RYR3: variants seen among roughly 807,000 people sequenced by gnomAD.
RYR3 encodes ryanodine receptor 3.
A neutral mutation model predicts 584.3 loss-of-function variants in RYR3; 207 were observed. The observed-to-expected ratio is 0.35, with a 90% CI of 0.32 to 0.40. The LOEUF is 0.40. RYR3 is among the 10% of genes least tolerant of loss of function. The pLI is 1.00. For synonymous variants in RYR3, 2,416 were observed against 2,248.5 expected, an observed-to-expected ratio of 1.07 and a Z score of -2.11; for missense variants, 5,616 against 6,089.2, an observed-to-expected ratio of 0.92 and a Z score of 2.59.
rs535243312 is a variant in RYR3 at position 33,390,530 on chromosome 15, T to A, written c.51+79434T>A. ...GTTCGACGCATTTGTTTTCACGACT[T>A]CTTCTTCAGGGGGTGATAGGTGTGG... On this transcript the variant is annotated intron_variant, in intron 1 of 103. Transcript: ENST00000634891. This position sits in a 1 kb window ranked among gnomAD's most constrained non-coding sequence, Gnocchi z 4.2. 6.6e-6 allele frequency among the ~76,000 whole-genome samples: 1 copy of A among 152,260 alleles called. No individual in the cohort carries two copies. Among genetic ancestry groups the A allele is most frequent in the East Asian group, 1.9e-4 (1 of 5,190 alleles).
intron 70 of RYR3, 121 bp from the exon 71 acceptor site, chr15:33,810,358 G>A: frequency 1.2e-6 from 1 of 868,220 alleles, no homozygotes; most frequent in Non-Finnish European, 1.8e-6. Context: ...GTCCTTTGAA[G>A]TGTAGTAAGG....
chr15:33,765,391 G>A (rs1184395722), intron 60 of RYR3, among the ~76,000 whole-genome samples: 1 of 152,112 alleles, frequency 6.6e-6, no homozygotes, highest in Non-Finnish European at 1.5e-5. Context: ...CCAGCACTTT[G>A]GGAGGCCAAG....
intron 38 of RYR3, among the ~76,000 whole-genome samples, chr15:33,685,180 T>A (rs1002405868): frequency 6.6e-6 from 1 of 152,204 alleles, no homozygotes; most frequent in African/African-American, 2.4e-5. Flanking sequence ...GACCCATCAG[T>A]GTGCTGTATT....
intron 3 of RYR3, among the ~76,000 whole-genome samples, chr15:33,519,635 T>C (rs1024593305): frequency 3.3e-5 from 5 of 152,030 alleles, no homozygotes; most frequent in African/African-American, 4.8e-5. Flanking sequence ...GTTTTTTTTT[T>C]TTCTTCTTTT....
At chr15:33,624,328 T>C (rs2060874611) in intron 20 of RYR3, among the ~76,000 whole-genome samples, 1 of 152,190 alleles carries the variant, frequency 6.6e-6, no homozygotes, top group Non-Finnish European at 1.5e-5. Flanking sequence ...TATTATTTTT[T>C]TAAAAGGCCA....
At chr15:33,625,803 T>C (rs929384969) in intron 20 of RYR3, among the ~76,000 whole-genome samples, 77 of 152,208 alleles carry the variant, frequency 5.1e-4, no homozygotes, top group African/African-American at 1.8e-3. Flanking sequence ...GGTGTGATGC[T>C]GACCTTTCTC....
chr15:33,523,527 C>T (rs1010136739), intron 3 of RYR3, among the ~76,000 whole-genome samples: 1 of 152,070 alleles, frequency 6.6e-6, no homozygotes, highest in Admixed American at 6.5e-5. Flanking sequence ...AAGAACCCAC[C>T]AGAAGGAACC....
Position 33,529,909 on chromosome 15 carries a change from C to T in RYR3, c.280-683C>T, listed in dbSNP as rs535199695. Among the ~76,000 whole-genome samples, 32 of 152,300 alleles carry T rather than the reference C, an allele frequency of 2.1e-4. No individual in the cohort carries two copies. The South Asian group carries it at 5.8e-3, about 28-fold the overall frequency. On this transcript the variant is annotated intron_variant, in intron 3 of 103. Transcript: ENST00000634891. ...GAAACAGACACCAGTGGCTTTATGT[C>T]GGGCCATCTCTCCCTCTCATGCCTC... is the stretch of plus-strand genomic sequence containing the variant.
chr15:33,554,058 A>T (rs556751185), intron 10 of RYR3, among the ~76,000 whole-genome samples: 1 of 152,106 alleles, frequency 6.6e-6, no homozygotes, highest in Non-Finnish European at 1.5e-5. Flanking sequence ...TCATGCTTTC[A>T]GGCGAGTGTC....
intron 97 of RYR3, 115 bp from the exon 98 acceptor site, chr15:33,854,643 ACAGCACCT>A (rs1597048815): frequency 1.3e-5 from 17 of 1,306,720 alleles, no homozygotes; most frequent in Admixed American, 2.3e-5. Context: ...GGGCCAGCTC[ACAGCACCT>A]CAGCACCTAA....
intron 1 of RYR3, among the ~76,000 whole-genome samples, chr15:33,385,710 C>CTTTTTTTTTTTTTTTTTT (rs10682215): frequency 7.6e-6 from 1 of 131,402 alleles, no homozygotes. Flanking sequence ...TTTTTCTTTT[C>CTTTTTTTTTTTTTTTTTT]TTTTTTTTTT....
At chr15:33,421,610 A>T (rs1428635546) in intron 1 of RYR3, among the ~76,000 whole-genome samples, 1 of 152,190 alleles carries the variant, frequency 6.6e-6, no homozygotes, top group Non-Finnish European at 1.5e-5. Flanking sequence ...AAAGATCAGT[A>T]GGAGACAATG....
chr15:33,810,689 A>T (rs762912442), intron 71 of RYR3, 40 bp downstream of exon 71: 2 of 1,612,504 alleles, frequency 1.2e-6, no homozygotes, highest in Admixed American at 3.3e-5. Flanking sequence ...TGTGATCCAC[A>T]TGGTGCAGTG....
chr15:33,734,982 C>T (rs1301822775), intron 48 of RYR3, among the ~76,000 whole-genome samples: 3 of 151,646 alleles, frequency 2.0e-5, no homozygotes, highest in East Asian at 2.0e-4. Flanking sequence ...TGAGCCACCG[C>T]GCCTGGCCGA....
chr15:33,757,724 A>T, intron 60 of RYR3, 128 bp downstream of exon 60: 1 of 1,017,456 alleles, frequency 9.8e-7, no homozygotes, highest in Non-Finnish European at 1.4e-6. Context: ...TTGTCATCTG[A>T]GTTTCGAAAG....
intron 1 of RYR3, among the ~76,000 whole-genome samples, chr15:33,315,194 G>A (rs1232558680): frequency 6.6e-6 from 1 of 152,114 alleles, no homozygotes; most frequent in Non-Finnish European, 1.5e-5. Flanking sequence ...GAGCTGCAGC[G>A]CTCACGTGAG....
intron 29 of RYR3, among the ~76,000 whole-genome samples, chr15:33,647,102 A>G (rs1477249280): frequency 1.3e-5 from 2 of 152,168 alleles, no homozygotes; most frequent in Admixed American, 6.5e-5. Context: ...AAGCTTTTAA[A>G]CAAGCACAGC....
Position 33,750,008 on chromosome 15 carries a change from T to C in RYR3, c.8229T>C (p.Tyr2743=). The C allele has an allele frequency of 6.2e-7, 1 of 1,612,558 alleles. No individual in the cohort carries two copies. The highest frequency in any genetic ancestry group is 8.5e-7 in the Non-Finnish European group (1 of 1,179,474). Residue 2743 remains tyrosine (Y), a synonymous_variant, in exon 56 of 104, where the codon TAT becomes TAC. Transcript: ENST00000634891. ...TGGTGGAGGTCGTGGCTGAGAACTA[T>C]CACAATATCTGGGCCAAGAAGAAGA... ...QGMVEVVAEN[Y]HNIWAKKKKL...
At chr15:33,805,764 A>C (rs191777243) in intron 69 of RYR3, among the ~76,000 whole-genome samples, 2,228 of 152,190 alleles carry the variant, frequency 0.015, 33 homozygotes, top group Non-Finnish European at 0.022. Flanking sequence ...GGCTTGAGCC[A>C]CCACACCCGG....
Sources: allele counts gnomAD v4.1 joint callset (sites outside exome capture counted in the v4.1 genomes callset), GRCh38; gene constraint gnomAD v4.1.1; non-coding constraint Gnocchi (gnomAD v3.1); transcripts MANE v1.5; gene names NCBI Gene and HGNC (gene_info 2026-07-23, HGNC 2026-07-21).